The following IKZF3 variants were observed in gnomAD, a reference collection of about 807,000 sequenced individuals.
IKZF3 encodes the protein zinc finger protein Aiolos.
Under a neutral mutation model 49.0 loss-of-function variants are expected in IKZF3, and 10 were observed. That is an observed-to-expected ratio of 0.20 (90% CI 0.13 to 0.35). IKZF3 has a LOEUF of 0.35. IKZF3 is among the 10% of genes least tolerant of loss of function. The pLI is 1.00. For synonymous variants in IKZF3, 209 were observed against 228.2 expected (o/e 0.92, Z 0.76); for missense variants, 498 against 664.8 (o/e 0.75, Z 2.76).
chr17:39,822,554 T>C (rs1473461590), intron 3 of IKZF3, among the ~76,000 whole-genome samples: 1 of 151,864 alleles, frequency 6.6e-6, no homozygotes, highest in Non-Finnish European at 1.5e-5. Context: ...TTCTTCTTTA[T>C]AAATTACCCA....
At chr17:39,790,874 A>G (rs2061000616) in intron 5 of IKZF3, among the ~76,000 whole-genome samples, 1 of 151,356 alleles carries the variant, frequency 6.6e-6, no homozygotes, top group Non-Finnish European at 1.5e-5. Flanking sequence ...TGAGCAACAT[A>G]GTGAGACCTC....
At chr17:39,788,434 T>C (rs1310349717) in intron 5 of IKZF3, 60 bp from the exon 6 acceptor site, 6 of 1,021,758 alleles carry the variant, frequency 5.9e-6, no homozygotes, top group Non-Finnish European at 9.3e-6. Flanking sequence ...AGGTCAGGTA[T>C]TGGGGCTCTG....
intron 1 of IKZF3, among the ~76,000 whole-genome samples, chr17:39,834,321 C>T (rs2062201088): frequency 6.6e-6 from 1 of 152,224 alleles, no homozygotes. Flanking sequence ...TACTCTGCTT[C>T]TGCCCTCTTA....
At chr17:39,780,730 T>C (rs927530847) in intron 6 of IKZF3, among the ~76,000 whole-genome samples, 1 of 151,904 alleles carries the variant, frequency 6.6e-6, no homozygotes, top group African/African-American at 2.4e-5. Context: ...CACTAGCCCA[T>C]AGTCCCAGCT....
intron 3 of IKZF3, among the ~76,000 whole-genome samples, chr17:39,825,698 GA>G (rs1431149714): frequency 6.6e-6 from 1 of 152,122 alleles, no homozygotes; most frequent in African/African-American, 2.4e-5. Context: ...CATTTGAGGG[GA>G]AATTATTAGC....
chr17:39,861,711 G>A (rs1016081482), intron 1 of IKZF3, among the ~76,000 whole-genome samples: 1 of 152,046 alleles, frequency 6.6e-6, no homozygotes, highest in African/African-American at 2.4e-5. Flanking sequence ...AGAAATATAA[G>A]CTGACATCAA....
At chr17:39,851,788 T>A (rs2144526699) in intron 1 of IKZF3, among the ~76,000 whole-genome samples, 1 of 152,306 alleles carries the variant, frequency 6.6e-6, no homozygotes, top group East Asian at 1.9e-4. Context: ...GCACTTTAAT[T>A]ATATGTTATT....
rs889200196 is a variant in IKZF3 at position 39,763,067 on chromosome 17, T to C, written c.*2723A>G. The C allele has an allele frequency of 5.3e-5, 8 of 152,230 alleles. No individual in the cohort carries two copies. The highest frequency in any genetic ancestry group is 1.9e-4 in the African/African-American group (8 of 41,468). 9.4% of individuals were successfully genotyped at this position (152,230 alleles called of 1,614,324 possible). A position where few individuals can be genotyped will look rare whatever the true frequency, so the allele number is the denominator to read the frequency against. On this transcript the variant is annotated 3_prime_UTR_variant, in exon 8 of 8. Transcript: ENST00000346872. Reference sequence around the variant, plus strand: ...TTTCAAGAACGTAATGAGCAACTCCTCTTTCACAAAGGGAATAAGCAATCT... The same window carrying C: ...TTTCAAGAACGTAATGAGCAACTCCCCTTTCACAAAGGGAATAAGCAATCT...
At chr17:39,823,970 G>C (rs1477716974) in intron 3 of IKZF3, among the ~76,000 whole-genome samples, 1 of 152,224 alleles carries the variant, frequency 6.6e-6, no homozygotes, top group Non-Finnish European at 1.5e-5. Context: ...GGAGCTGTTA[G>C]AAGAGGGCCA....
chr17:39,815,056 A>G (rs1286227864), intron 3 of IKZF3, among the ~76,000 whole-genome samples: 1 of 152,204 alleles, frequency 6.6e-6, no homozygotes, highest in African/African-American at 2.4e-5. Context: ...ATAGGGGGCC[A>G]GTAGAGTGTT....
intron 3 of IKZF3, among the ~76,000 whole-genome samples, chr17:39,813,466 G>C (rs1323711220): frequency 6.6e-6 from 1 of 151,612 alleles, no homozygotes; most frequent in East Asian, 1.9e-4. Flanking sequence ...GCAACATAGC[G>C]AGACCCCGTA....
At chr17:39,832,717 G>C (rs1051856935) in intron 1 of IKZF3, among the ~76,000 whole-genome samples, 2 of 151,974 alleles carry the variant, frequency 1.3e-5, no homozygotes, top group East Asian at 1.9e-4. Flanking sequence ...TGATAGACAG[G>C]GTGTGTGGGT....
intron 1 of IKZF3, 136 bp downstream of exon 1, chr17:39,863,984 T>C: frequency 8.4e-7 from 1 of 1,189,626 alleles, no homozygotes; most frequent in South Asian, 1.2e-5. Context: ...CTTTGTCCTC[T>C]GAAATACCTC....
At chr17:39,816,116 T>C (rs574658926) in intron 3 of IKZF3, among the ~76,000 whole-genome samples, 120 of 152,196 alleles carry the variant, frequency 7.9e-4, no homozygotes, top group Non-Finnish European at 1.5e-3. Flanking sequence ...CCAGTGCTTG[T>C]TAGATTTAAA....
chr17:39,766,538 G>A, intron 7 of IKZF3, 45 bp from the exon 8 acceptor site: 1 of 1,480,252 alleles, frequency 6.8e-7, no homozygotes, highest in South Asian at 1.2e-5. Context: ...CACTGCCAAG[G>A]CAGAGAGTTT....
intron 3 of IKZF3, among the ~76,000 whole-genome samples, chr17:39,803,606 C>T (rs1322523075): frequency 1.3e-5 from 2 of 151,882 alleles, no homozygotes; most frequent in East Asian, 1.9e-4. Flanking sequence ...CTCCACCTCC[C>T]GGGTTCAAGC....
intron 1 of IKZF3, among the ~76,000 whole-genome samples, chr17:39,863,121 C>T (rs1423422649): frequency 6.6e-6 from 1 of 151,804 alleles, no homozygotes; most frequent in Non-Finnish European, 1.5e-5. Flanking sequence ...CCAATAAAAC[C>T]TTTGTTAAAA....
intron 3 of IKZF3, among the ~76,000 whole-genome samples, chr17:39,813,891 C>T (rs2061618721): frequency 1.3e-5 from 2 of 152,166 alleles, no homozygotes; most frequent in South Asian, 2.1e-4. Context: ...CATATATTTG[C>T]GTGTACTAAG....
intron 3 of IKZF3, among the ~76,000 whole-genome samples, chr17:39,825,566 G>C (rs1386212085): frequency 6.6e-6 from 1 of 152,166 alleles, no homozygotes; most frequent in South Asian, 2.1e-4. Flanking sequence ...ATCTGGCCCT[G>C]GGATGACTTA....
Sources: gnomAD v4.1 joint callset for allele counts (sites outside exome capture counted in the v4.1 genomes callset) on GRCh38, gnomAD v4.1.1 for gene constraint, MANE v1.5 for transcripts, NCBI Gene and HGNC (gene_info 2026-07-23, HGNC 2026-07-21) for gene names.